Variants in SPINK9 observed in about 807,000 individuals in gnomAD.
SPINK9 encodes the protein serine protease inhibitor Kazal-type 9.
Under a neutral mutation model 10.8 loss-of-function variants are expected in SPINK9, and 3 were observed. That is an observed-to-expected ratio of 0.28 (90% confidence interval 0.13 to 0.72). The LOEUF is 0.72. Ranked by LOEUF, SPINK9 falls within the 30% of genes least tolerant of loss-of-function variation. SPINK9 has a pLI of 0.74. For missense variants in SPINK9, 101 were observed against 103.2 expected (o/e 0.98, Z 0.09); for synonymous variants, 30 against 31.2 (o/e 0.96, Z 0.12).
chr5:148,339,562 C>T (rs772618450), intron 3 of SPINK9, 105 bp from the exon 4 acceptor site: 40 of 934,372 alleles, frequency 4.3e-5, no homozygotes, highest in Non-Finnish European at 6.0e-5. Flanking sequence ...CATCAATAAG[C>T]GGGGAAACTT....
upstream of SPINK9, among the ~76,000 whole-genome samples, chr5:148,331,165 ATCT>A (rs1222173524): frequency 6.6e-6 from 1 of 152,148 alleles, no homozygotes; most frequent in Non-Finnish European, 1.5e-5. Context: ...GAAATCACCC[ATCT>A]TCTGTGTCAC....
At chr5:148,322,691 C>T (rs979124608) in intron 1 of SPINK9, among the ~76,000 whole-genome samples, 1 of 152,082 alleles carries the variant, frequency 6.6e-6, no homozygotes, top group Non-Finnish European at 1.5e-5. Flanking sequence ...TTTCATAGCC[C>T]AGTTGTAGGG....
At chr5:148,321,307 C>T (rs1454969297) in exon 1 of SPINK9, 2 of 151,970 alleles carry the variant, frequency 1.3e-5, no homozygotes, top group Admixed American at 1.3e-4. Context: ...CAGAGAAGTG[C>T]TTAAAGGAGC....
chr5:148,331,845 G>T (rs1012137499), upstream of SPINK9, among the ~76,000 whole-genome samples: 4 of 152,124 alleles, frequency 2.6e-5, no homozygotes, highest in Non-Finnish European at 5.9e-5. Flanking sequence ...CTATTATACT[G>T]TTTTGATTAC....
At chr5:148,321,411 T>C (rs1460868332) in intron 1 of SPINK9, 2 of 151,858 alleles carry the variant, frequency 1.3e-5, no homozygotes, top group Non-Finnish European at 2.9e-5. Flanking sequence ...GTATCAGTGA[T>C]GGAAGATGAA....
intron 1 of SPINK9, among the ~76,000 whole-genome samples, chr5:148,336,121 T>C (rs1367464760): frequency 6.6e-6 from 1 of 152,196 alleles, no homozygotes; most frequent in South Asian, 2.1e-4. Context: ...GACTCACTTA[T>C]TTCTTCTGTC....
At chr5:148,332,961 T>C (rs746140493), upstream of SPINK9, among the ~76,000 whole-genome samples, 7 of 152,190 alleles carry the variant, frequency 4.6e-5, no homozygotes, top group Non-Finnish European at 8.8e-5. Flanking sequence ...AATTTAAAGA[T>C]GAGTCTTAAA....
At chr5:148,330,158 C>A (rs1343081184) in intron 2 of SPINK9, among the ~76,000 whole-genome samples, 2 of 152,146 alleles carry the variant, frequency 1.3e-5, no homozygotes, top group Non-Finnish European at 2.9e-5. Flanking sequence ...TTGTAGGTCA[C>A]TAAGGACTTG....
intron 3 of SPINK9, among the ~76,000 whole-genome samples, chr5:148,339,001 T>C (rs1283589683): frequency 6.6e-6 from 1 of 152,180 alleles, no homozygotes; most frequent in African/African-American, 2.4e-5. Context: ...GCCATGTTTT[T>C]GTTCAGCTTT....
Position 148,338,431 on chromosome 5 carries a change from T to C in SPINK9, c.88-47T>C, listed in dbSNP as rs765674631. 7 of 1,551,216 alleles carry C rather than the reference T, an allele frequency of 4.5e-6. No individual in the cohort carries two copies. The South Asian group carries it at 8.7e-5, about 19-fold the overall frequency. ...CTTGAAAAATCCTAAATCCTGATAA[T>C]AAAGATTTGGTTGAAAGAGTTGAAG... On this transcript the variant is annotated intron_variant, in intron 2 of 3. Coordinates refer to ENST00000377906, the MANE Select transcript of SPINK9 (RefSeq NM_001040433.2).
intron 2 of SPINK9, among the ~76,000 whole-genome samples, chr5:148,328,587 C>G (rs1581186175): frequency 6.6e-6 from 1 of 152,140 alleles, no homozygotes; most frequent in African/African-American, 2.4e-5. Context: ...TGCCAGTTTT[C>G]AAAGGGAATG....
chr5:148,326,329 C>T (rs1757059160), intron 2 of SPINK9, among the ~76,000 whole-genome samples: 3 of 152,072 alleles, frequency 2.0e-5, no homozygotes, highest in Admixed American at 1.3e-4. Context: ...TGGAAAATGA[C>T]ATAAAAGTTT....
At chr5:148,324,435 C>CA (rs1288761449) in intron 2 of SPINK9, among the ~76,000 whole-genome samples, 1 of 152,014 alleles carries the variant, frequency 6.6e-6, no homozygotes, top group African/African-American at 2.4e-5. Context: ...TGCCCTTACT[C>CA]AAGTGATCAA....
chr5:148,333,154 A>G (rs1757171991), upstream of SPINK9, among the ~76,000 whole-genome samples: 1 of 152,166 alleles, frequency 6.6e-6, no homozygotes, highest in African/African-American at 2.4e-5. Flanking sequence ...GTCATTGTGG[A>G]AAGAGGAGTA....
intron 1 of SPINK9, among the ~76,000 whole-genome samples, chr5:148,322,345 T>C (rs767052242): frequency 2.0e-5 from 3 of 152,152 alleles, no homozygotes; most frequent in Non-Finnish European, 2.9e-5. Flanking sequence ...TACATGAAGA[T>C]CAGGTAAAGA....
intron 2 of SPINK9, among the ~76,000 whole-genome samples, chr5:148,327,312 G>A (rs908157705): frequency 2.6e-5 from 4 of 152,122 alleles, no homozygotes; most frequent in African/African-American, 9.7e-5. Flanking sequence ...GTCTTCTTTT[G>A]AGAAGCCTAT....
rs1387935277 is a variant in SPINK9, at chr5:148,338,436, AT to A, written c.88-39del. The A allele has an allele frequency of 1.0e-5, 16 of 1,557,316 alleles. No individual in the cohort carries two copies. In the Admixed American group the frequency reaches 3.1e-4, roughly 30 times the overall value. ...AAAATCCTAAATCCTGATAATAAAG[AT>A]TTGGTTGAAAGAGTTGAAGGTTTTT... On this transcript the variant is annotated intron_variant, in intron 2 of 3. Transcript: ENST00000377906.
intron 2 of SPINK9, among the ~76,000 whole-genome samples, chr5:148,328,545 T>C (rs1757102027): frequency 6.6e-6 from 1 of 152,176 alleles, no homozygotes; most frequent in Admixed American, 6.5e-5. Flanking sequence ...CTATGTTGAA[T>C]AGGAGTGGTG....
At chr5:148,334,314 A>G (rs1231595764), upstream of SPINK9, among the ~76,000 whole-genome samples, 1 of 152,142 alleles carries the variant, frequency 6.6e-6, no homozygotes, top group Non-Finnish European at 1.5e-5. Flanking sequence ...TAAGTTCTTT[A>G]CTAAATTGGG....
Sources: allele counts gnomAD v4.1 joint callset (sites outside exome capture counted in the v4.1 genomes callset), GRCh38; gene constraint gnomAD v4.1.1; transcripts MANE v1.5; gene names NCBI Gene and HGNC (gene_info 2026-07-23, HGNC 2026-07-21).